Variants in ZFPL1 observed in about 807,000 individuals in gnomAD.
ZFPL1 encodes zinc finger protein like 1.
A neutral mutation model predicts 32.0 loss-of-function variants in ZFPL1; 28 were observed. That is an observed-to-expected ratio of 0.87 (90% CI 0.65 to 1.20). The LOEUF is 1.20. Among genes scored for constraint, ZFPL1 ranks in the 50% most tolerant of loss-of-function variants. The probability of loss-of-function intolerance (pLI) is 0.00; values close to 1 mark genes in which losing one functional copy is unlikely to be tolerated. For synonymous variants in ZFPL1, 165 were observed against 177.0 expected, an observed-to-expected ratio of 0.93 and a Z score of 0.54; for missense variants, 386 against 424.8, an observed-to-expected ratio of 0.91 and a Z score of 0.80.
rs768020545 is a variant in ZFPL1, at chr11:65,088,122, T to C, written c.*8T>C. 1.4e-4 allele frequency: 231 copies of C among 1,602,618 alleles called. No homozygotes were observed. The highest frequency in any genetic ancestry group is 4.5e-5 in the East Asian group (2 of 44,832). ...CGCGTGGGCCCCTCCTGAGCCCCCT[T>C]GCTTGTGGCTAGGCCAGCCTAGGAT... On this transcript the variant is annotated 3_prime_UTR_variant, in exon 8 of 8. Transcript: ENST00000294258.
rs375574707 is a variant in ZFPL1 at position 65,086,549 on chromosome 11, G to T, written c.349G>T (p.Ala117Ser). The T allele has an allele frequency of 1.7e-5, 27 of 1,613,976 alleles. No individual in the cohort carries two copies. The highest frequency in any genetic ancestry group is 1.7e-5 in the Admixed American group (1 of 60,002). Residue 117 changes from alanine (A) to serine (S), a missense_variant, in exon 4 of 8, where the codon GCA becomes TCA. By Grantham distance (99) the Ala-to-Ser change is moderately conservative. Coordinates refer to ENST00000294258, the MANE Select transcript of ZFPL1 (RefSeq NM_006782.4). ...PTNLAGPVAS[A>S]LREKLATVNW... is the part of the protein sequence containing the mutation. ...CAACCTGGCTGGCCCCGTGGCCTCC[G>T]CACTGAGAGAGAAGCTGGCCACAGT...
At position 65,086,918 on chromosome 11, in the gene ZFPL1, C is replaced by T; in HGVS notation, c.482-10C>T. 1.2e-6 allele frequency: 2 copies of T among 1,613,392 alleles called. No homozygotes were observed. The highest frequency in any genetic ancestry group is 1.7e-6 in the Non-Finnish European group (2 of 1,179,544). ...ACTGCTTCTGCTGACGGCTCTCTTT[C>T]CACCCACAGCCAGCAGTACCCCTGG... On this transcript the variant is annotated splice_polypyrimidine_tract_variant and intron_variant, in intron 5 of 7. Transcript: ENST00000294258.
At position 65,086,430 on chromosome 11, in the gene ZFPL1, C is replaced by G; in HGVS notation, c.230C>G (p.Ala77Gly). The G allele has an allele frequency of 6.2e-7, 1 of 1,614,116 alleles. No individual in the cohort carries two copies. Reference protein sequence around the residue: ...RLVCYDLFHWACLNERAAQLP... With the variant: ...RLVCYDLFHWGCLNERAAQLP... ...GGGCCCTAAGATCTCTTTCACTGGG[C>G]CTGCCTCAATGAACGTGCTGCCCAG... The change falls in exon 4 of 8, where the codon GCC (alanine) becomes GGC (glycine). Residue 77 changes from alanine (A) to glycine (G), a missense_variant. Physicochemically the swap from Ala to Gly is moderately conservative, Grantham distance 60. Transcript: ENST00000294258.
Position 65,085,212 on chromosome 11 carries a change from G to T in ZFPL1, c.200G>T (p.Arg67Leu), listed in dbSNP as rs1305382246. 3 of 1,613,826 alleles carry T rather than the reference G, an allele frequency of 1.9e-6. No homozygotes were observed. Among genetic ancestry groups the T allele is most frequent in the Non-Finnish European group, 2.5e-6 (3 of 1,179,982 alleles). Residue 67 changes from arginine to leucine, a missense_variant, in exon 3 of 8, where the codon CGC becomes CTC. Arg to Leu is a moderately radical substitution (Grantham distance 102). Coordinates refer to ENST00000294258, the MANE Select transcript of ZFPL1 (RefSeq NM_006782.4). The part of the protein sequence containing the change: ...NIPLASRETT[R>L]LVCYDLFHWA... The stretch of plus-strand genomic sequence containing the variant: ...CCCCTGGCCAGCCGAGAGACGACCC[G>T]CCTTGTCTGCTATGGTGAGGCCTTG...
rs138490659 is a variant in ZFPL1, at chr11:65,084,808, C to A, written c.102+8C>A. On this transcript the variant is annotated splice_region_variant and intron_variant, in intron 2 of 7. Transcript: ENST00000294258. The stretch of plus-strand genomic sequence containing the variant: ...GTAGCCAATCACGCCAAGGTGGGGC[C>A]TTCAGGGGAGCGACTGAGCAGGGCA... The A allele has an allele frequency of 1.2e-6, 2 of 1,614,050 alleles. No homozygotes were observed. Among genetic ancestry groups the A allele is most frequent in the Admixed American group, 3.3e-5 (2 of 60,034 alleles).
In ZFPL1 at chr11:65,087,065, T is replaced by C. The variant is rs1947687064; in HGVS notation, c.619T>C (p.Leu207=). 8 of 1,612,892 alleles carry C rather than the reference T, an allele frequency of 5.0e-6. No homozygotes were observed. Among genetic ancestry groups the C allele is most frequent in the Non-Finnish European group, 6.8e-6 (8 of 1,179,238 alleles). The stretch of plus-strand genomic sequence containing the variant: ...GATCCACATGGGCAATCCTGAGCCC[T>C]TGACTCACGGTGAGCCTGGGAGTTA... ...TVIHMGNPEP[L]THAPRKVYDT... The change falls in exon 6 of 8, where the codon TTG becomes CTG. Residue 207 remains leucine, a synonymous_variant. Coordinates refer to ENST00000294258, the MANE Select transcript of ZFPL1 (RefSeq NM_006782.4).
Position 65,088,070 on chromosome 11 carries a change from CT to C in ZFPL1, c.890del (p.Leu297ArgfsTer5). 6.2e-7 allele frequency: 1 copy of C among 1,611,894 alleles called. No individual in the cohort carries two copies. The highest frequency in any genetic ancestry group is 8.5e-7 in the Non-Finnish European group (1 of 1,179,684). On this transcript the variant is annotated frameshift_variant, in exon 8 of 8. Coordinates refer to ENST00000294258, the MANE Select transcript of ZFPL1 (RefSeq NM_006782.4). LOFTEE classifies it high-confidence loss of function. ...GGCCGCAGCTGACAGCGATCCCAAC[CT>C]GGACCCACTCATGAACCCTCACATC... ...GRAAADSDPN[L>X]DPLMNPHIRV...
Position 65,087,014 on chromosome 11 carries a change from C to A in ZFPL1, c.568C>A (p.Pro190Thr). 6.2e-7 allele frequency: 1 copy of A among 1,613,948 alleles called. No individual in the cohort carries two copies. Among genetic ancestry groups the A allele is most frequent in the Non-Finnish European group, 8.5e-7 (1 of 1,179,962 alleles). The change falls in exon 6 of 8, where the codon CCA becomes ACA. Residue 190 changes from proline (P) to threonine (T), a missense_variant. Coordinates refer to ENST00000294258, the MANE Select transcript of ZFPL1 (RefSeq NM_006782.4). ...YSQAPRPPASPGRPEQHTVIH... is the reference protein window; with the variant it reads ...YSQAPRPPASTGRPEQHTVIH... The stretch of plus-strand genomic sequence containing the variant: ...CCAGGCCCCCCGGCCCCCAGCTTCC[C>A]CAGGCCGGCCCGAGCAGCACACAGT...
At position 65,087,410 on chromosome 11, in the gene ZFPL1, G is replaced by A. The variant is rs760878613; in HGVS notation, c.723G>A (p.Leu241=). ...DDDKYRRRPA[L]GWLARLLRSR... ...ACAAGTACCGACGTCGGCCGGCCTT[G>A]GGTTGGCTGGCCCGGCTGCTAAGGT... The change falls in exon 7 of 8, where the codon TTG becomes TTA. Residue 241 remains leucine, a synonymous_variant. Transcript: ENST00000294258. 1.9e-5 allele frequency: 30 copies of A among 1,613,992 alleles called. No homozygotes were observed. The highest frequency in any genetic ancestry group is 2.5e-5 in the Non-Finnish European group (30 of 1,180,006).
At chr11:65,087,748 G>A (rs769188339) in intron 7 of ZFPL1, 180 bp from the exon 8 acceptor site, 413 of 667,416 alleles carry the variant, frequency 6.2e-4, no homozygotes, top group Non-Finnish European at 9.5e-4. Context: ...ATACAGTCGT[G>A]CGCCTCAGCT....
chr11:65,087,675 C>T, intron 7 of ZFPL1: 1 of 612,832 alleles, frequency 1.6e-6, no homozygotes, highest in Non-Finnish European at 2.9e-6. Context: ...AGGCCCCTTC[C>T]CGATCTGACA....
chr11:65,086,637 T>C (rs200665246), intron 4 of ZFPL1, 29 bp downstream of exon 4: 2 of 1,613,740 alleles, frequency 1.2e-6, no homozygotes, highest in African/African-American at 1.3e-5. Context: ...TCTGACCATC[T>C]ATCTGCCCTG....
intron 3 of ZFPL1, chr11:65,086,178 G>A (rs1026889299): frequency 1.7e-6 from 1 of 603,812 alleles, no homozygotes; most frequent in Admixed American, 3.0e-5. Context: ...GGGAGGTGGC[G>A]TTTTCTTCCT....
chr11:65,086,271 T>G, intron 3 of ZFPL1, 144 bp from the exon 4 acceptor site: 1 of 1,099,386 alleles, frequency 9.1e-7, no homozygotes, highest in East Asian at 2.4e-5. Flanking sequence ...ACTGACATTT[T>G]AGGGAACAGG....
rs985238791 is a variant in ZFPL1 at position 65,087,605 on chromosome 11, G to A, written c.746+172G>A. On this transcript the variant is annotated intron_variant, in intron 7 of 7. Coordinates refer to ENST00000294258, the MANE Select transcript of ZFPL1 (RefSeq NM_006782.4). Reference sequence around the variant, plus strand: ...GGCTGTGCAGCAGAAGCTGTGTTTTGCTTCTCTCTGGGACTGTCTCTATGC... The same window carrying A: ...GGCTGTGCAGCAGAAGCTGTGTTTTACTTCTCTCTGGGACTGTCTCTATGC... 2.4e-5 allele frequency: 16 copies of A among 674,844 alleles called. No homozygotes were observed. In the African/African-American group the frequency reaches 2.7e-4, roughly 11 times the overall value. The allele number at this position is 674,844 out of a possible 1,614,324, so 41.8% of individuals were successfully genotyped here.
intron 3 of ZFPL1, 157 bp from the exon 4 acceptor site, chr11:65,086,258 A>G (rs773314651): frequency 6.0e-6 from 6 of 1,007,020 alleles, no homozygotes; most frequent in East Asian, 2.4e-5. Flanking sequence ...GGTAGCCAAG[A>G]AGACTGACAT....
chr11:65,087,807 CA>C, intron 7 of ZFPL1, 120 bp from the exon 8 acceptor site: 1 of 1,072,680 alleles, frequency 9.3e-7, no homozygotes, highest in Non-Finnish European at 1.3e-6. Context: ...CAGGAGTGAT[CA>C]TCCCTGAGGC....
chr11:65,086,303 C>T (rs1947678544), intron 3 of ZFPL1, 112 bp from the exon 4 acceptor site: 2 of 1,351,034 alleles, frequency 1.5e-6, no homozygotes, highest in Non-Finnish European at 2.1e-6. Flanking sequence ...AAGGCTCTGG[C>T]ACACACACAT....
At position 65,084,250 on chromosome 11, in the gene ZFPL1, GGCGGCCGGGGCTGAAGGGAGAGGC is replaced by G; in HGVS notation, c.-134_-111del. ...GACGTGGCAGCGGAGGGATAATCGG[GGCGGCCGGGGCTGAAGGGAGAGGC>G]GCAGGAGCCCTGGGGAGAGTGGTCC... is the stretch of plus-strand genomic sequence containing the variant. On this transcript the variant is annotated 5_prime_UTR_variant, in exon 1 of 8. Transcript: ENST00000294258. 1.7e-6 allele frequency: 1 copy of G among 573,784 alleles called. No homozygotes were observed. Among genetic ancestry groups the G allele is most frequent in the South Asian group, 2.1e-5 (1 of 48,636 alleles). The allele number at this position is 573,784 out of a possible 1,614,324, so 35.5% of individuals were successfully genotyped here.
Sources: allele counts gnomAD v4.1 joint callset, GRCh38; gene constraint gnomAD v4.1.1; transcripts MANE v1.5; gene names NCBI Gene and HGNC (gene_info 2026-07-23, HGNC 2026-07-21).